Variants in DISC1 observed in about 807,000 individuals in gnomAD.
DISC1 encodes disrupted in schizophrenia 1 protein.
A neutral mutation model predicts 84.5 loss-of-function variants in DISC1; 57 were observed. The ratio of observed to expected loss-of-function variants is 0.67; its 90% CI spans 0.55 to 0.84. The LOEUF (loss-of-function observed/expected upper bound fraction) is 0.84. Among genes scored for constraint, DISC1 ranks in the 40% least tolerant of loss-of-function variants. The pLI is 0.00. For synonymous variants in DISC1, 411 were observed against 415.2 expected, an observed-to-expected ratio of 0.99 and a Z score of 0.12; for missense variants, 1,000 against 1,057.8, an observed-to-expected ratio of 0.95 and a Z score of 0.76.
intron 10 of DISC1, among the ~76,000 whole-genome samples, chr1:231,960,280 AG>A (rs1374787769): frequency 1.3e-5 from 2 of 152,024 alleles, no homozygotes; most frequent in African/African-American, 4.8e-5. Context: ...TTTGAGATGA[AG>A]TTTCGCTCAT....
intron 1 of DISC1, among the ~76,000 whole-genome samples, chr1:231,692,553 G>A (rs1468012970): frequency 6.6e-6 from 1 of 152,226 alleles, no homozygotes; most frequent in African/African-American, 2.4e-5. Flanking sequence ...ACAGGACAAA[G>A]ATTCCAAGCC....
rs1553384548 is a variant in DISC1, at chr1:231,886,772, T to TTTCC, written c.1981+68258_1981+68259insCTTC. 8.3e-4 allele frequency among the ~76,000 whole-genome samples: 44 copies of TTTCC among 52,720 alleles called. 1 individual carries two copies. Among genetic ancestry groups the TTTCC allele is most frequent in the African/African-American group, 2.9e-3 (42 of 14,560 alleles). 34.6% of individuals were successfully genotyped at this position (52,720 alleles called of 152,430 possible). A position where few individuals can be genotyped will look rare whatever the true frequency, so the allele number is the denominator to read the frequency against. On this transcript the variant is annotated intron_variant, in intron 9 of 12. Transcript: ENST00000439617. ...CTTCCTTTCTTCCTTCCTTCCTTTC[T>TTTCC]TTCTTTCTTTCTTTCTTTCTTTCTT... is the stretch of plus-strand genomic sequence containing the variant.
intron 4 of DISC1, among the ~76,000 whole-genome samples, chr1:231,765,783 G>T (rs1031678895): frequency 1.3e-5 from 2 of 152,132 alleles, no homozygotes; most frequent in Non-Finnish European, 2.9e-5. Flanking sequence ...AAGAGAAGGA[G>T]CCTAAAAGAT....
intron 6 of DISC1, 152 bp downstream of exon 6, chr1:231,771,222 C>A: frequency 2.1e-6 from 3 of 1,450,050 alleles, no homozygotes; most frequent in Non-Finnish European, 2.7e-6. Context: ...TGGGAAAATT[C>A]TTCACGGTGT....
intron 9 of DISC1, among the ~76,000 whole-genome samples, chr1:231,924,553 G>T (rs1349671039): frequency 6.6e-6 from 1 of 152,152 alleles, no homozygotes; most frequent in Non-Finnish European, 1.5e-5. Flanking sequence ...AAAAGATCCG[G>T]TGATACTGAG....
At chr1:231,948,329 A>G (rs568186050) in intron 9 of DISC1, among the ~76,000 whole-genome samples, 1 of 152,230 alleles carries the variant, frequency 6.6e-6, no homozygotes, top group South Asian at 2.1e-4. Context: ...GCTCGAAACC[A>G]CCATTCTCCG....
chr1:231,626,909 C>G lies in DISC1; in HGVS notation c.42C>G (p.Gly14=), dbSNP rs566458514. 2.0e-6 allele frequency: 3 copies of G among 1,502,288 alleles called. No homozygotes were observed. The highest frequency in any genetic ancestry group is 2.6e-6 in the Non-Finnish European group (3 of 1,133,856). The allele number at this position is 1,502,288 out of a possible 1,614,324, so 93.1% of individuals were successfully genotyped here. ...CTCAGGGCGCCCCAGCCGCCGCCGG[C>G]GGCGGCGGCGTGAGCCACCGCGCAG... The part of the protein sequence containing the change: ...GGPQGAPAAA[G]GGGVSHRAGS... The change falls in exon 1 of 13, where the codon GGC becomes GGG. Residue 14 remains glycine, a synonymous_variant. Transcript: ENST00000439617.
At chr1:231,937,328 T>G (rs1388674442) in intron 9 of DISC1, among the ~76,000 whole-genome samples, 1 of 152,216 alleles carries the variant, frequency 6.6e-6, no homozygotes, top group Non-Finnish European at 1.5e-5. Flanking sequence ...TAATGCTTTT[T>G]AAATACTTAA....
In DISC1 at chr1:231,675,616, G is replaced by T. The variant is rs188131103; in HGVS notation, c.68-18210G>T. 6.6e-6 allele frequency among the ~76,000 whole-genome samples: 1 copy of T among 152,108 alleles called. No homozygotes were observed. The highest frequency in any genetic ancestry group is 1.9e-4 in the East Asian group (1 of 5,182). On this transcript the variant is annotated intron_variant, in intron 1 of 12. Transcript: ENST00000439617. This position sits in a 1 kb window ranked among gnomAD's most constrained non-coding sequence, Gnocchi z 4.1. Reference sequence around the variant, plus strand: ...GAAGGTACCAGTGTACCACTGGGCCGCATCCTTAAAGATGGTGCTGTGAGG... The same window carrying T: ...GAAGGTACCAGTGTACCACTGGGCCTCATCCTTAAAGATGGTGCTGTGAGG...
chr1:231,814,339 C>T (rs1475948126), intron 8 of DISC1, among the ~76,000 whole-genome samples: 2 of 151,992 alleles, frequency 1.3e-5, no homozygotes, highest in Non-Finnish European at 2.9e-5. Flanking sequence ...TAAAAAGCAC[C>T]CATTATTTTA....
intron 3 of DISC1, among the ~76,000 whole-genome samples, chr1:231,746,494 G>T (rs2073995129): frequency 1.3e-5 from 2 of 152,128 alleles, no homozygotes; most frequent in African/African-American, 4.8e-5. Flanking sequence ...TCATATGATT[G>T]TTCTATTTGT....
chr1:231,809,833 T>G (rs528930368), intron 8 of DISC1, among the ~76,000 whole-genome samples: 45 of 152,332 alleles, frequency 3.0e-4, no homozygotes, highest in Non-Finnish European at 5.4e-4. Flanking sequence ...CCAAGAAATA[T>G]ATATCATTTT....
At chr1:231,704,778 A>AG (rs2066846714) in intron 3 of DISC1, among the ~76,000 whole-genome samples, 1 of 150,498 alleles carries the variant, frequency 6.6e-6, no homozygotes, top group Non-Finnish European at 1.5e-5. Flanking sequence ...AAAAAAAAAA[A>AG]AAAAAAAGCA....
intron 9 of DISC1, among the ~76,000 whole-genome samples, chr1:231,860,445 G>T (rs770848237): frequency 5.3e-5 from 8 of 151,980 alleles, no homozygotes; most frequent in Non-Finnish European, 1.0e-4. Flanking sequence ...GCATCATGTT[G>T]GTGCTCAGAA....
intron 10 of DISC1, among the ~76,000 whole-genome samples, chr1:231,980,197 C>A (rs1663395870): frequency 6.6e-6 from 1 of 152,188 alleles, no homozygotes; most frequent in Non-Finnish European, 1.5e-5. Context: ...CATAGATATT[C>A]ATAATCCCCG....
chr1:232,023,024 CT>C (rs1302991452), intron 11 of DISC1, among the ~76,000 whole-genome samples: 2 of 145,700 alleles, frequency 1.4e-5, no homozygotes, highest in Non-Finnish European at 3.0e-5. Context: ...GTTTTTTAAT[CT>C]CTAAAAAAAC....
intron 10 of DISC1, among the ~76,000 whole-genome samples, chr1:231,966,172 T>G (rs1320853729): frequency 6.6e-6 from 1 of 152,196 alleles, no homozygotes; most frequent in Non-Finnish European, 1.5e-5. Flanking sequence ...AACTATTACA[T>G]TCAGAAAGTC....
In DISC1 at chr1:232,036,809, G is replaced by A. The variant is rs367543099; in HGVS notation, c.2543G>A (p.Gly848Asp). The change falls in exon 13 of 13, where the codon GGT (glycine) becomes GAT (aspartate). Residue 848 changes from glycine (G) to aspartate (D), a missense_variant. Physicochemically the swap from Gly to Asp is moderately conservative, Grantham distance 94. Around this residue, in one of 3 missense-constraint regions of DISC1, gnomAD observed 397 missense variants for 377.5 expected, o/e 1.05. Transcript: ENST00000439617. ...REAAASCMTA[G>D]VHEAQA Reference sequence around the variant, plus strand: ...GCTGCAGCTTCCTGCATGACAGCTGGTGTCCACGAAGCACAAGCCTGAGGA... The same window carrying A: ...GCTGCAGCTTCCTGCATGACAGCTGATGTCCACGAAGCACAAGCCTGAGGA... 61 of 1,597,980 alleles carry A rather than the reference G, an allele frequency of 3.8e-5. No individual in the cohort carries two copies. The highest frequency in any genetic ancestry group is 1.7e-4 in the Middle Eastern group (1 of 6,024).
chr1:232,040,919 T>G lies in DISC1; in HGVS notation c.*4088T>G, dbSNP rs1670758143. On this transcript the variant is annotated 3_prime_UTR_variant, in exon 13 of 13. Coordinates refer to ENST00000439617, the MANE Select transcript of DISC1 (RefSeq NM_018662.3). ...TTCTTGAAGATCCTCATCCAATTGGTGTTTTTCAGAAGTGTTCCAATATTA... is the reference window on the plus strand; with the variant it reads ...TTCTTGAAGATCCTCATCCAATTGGGGTTTTTCAGAAGTGTTCCAATATTA... The G allele has an allele frequency of 6.6e-6, 1 of 152,206 alleles. No individual in the cohort carries two copies. The highest frequency in any genetic ancestry group is 2.4e-5 in the African/African-American group (1 of 41,456). 9.4% of individuals were successfully genotyped at this position (152,206 alleles called of 1,614,324 possible).
Sources: gnomAD v4.1 joint callset for allele counts (sites outside exome capture counted in the v4.1 genomes callset) on GRCh38, gnomAD v4.1.1 for gene constraint, gnomAD v4.1.1 regional missense constraint, Gnocchi (gnomAD v3.1) non-coding constraint, MANE v1.5 for transcripts, NCBI Gene and HGNC (gene_info 2026-07-23, HGNC 2026-07-21) for gene names.